The following ELOVL6 variants were observed in gnomAD, a reference collection of about 807,000 sequenced individuals.
ELOVL6 encodes the protein ELOVL fatty acid elongase 6.
In ELOVL6, 8 loss-of-function variants were observed where a neutral mutation model predicts 31.7. That is an observed-to-expected ratio of 0.25 (90% CI 0.15 to 0.45). The LOEUF (loss-of-function observed/expected upper bound fraction) is 0.45, where lower values mean the gene tolerates loss of function less well. Ranked by LOEUF, ELOVL6 falls within the 20% of genes least tolerant of loss-of-function variation. ELOVL6 has a pLI of 1.00. For synonymous variants in ELOVL6, 101 were observed against 117.7 expected (o/e 0.86, Z 0.92); for missense variants, 126 against 326.4 (o/e 0.39, Z 4.73).
At chr4:110,154,934 T>C (rs1293813272) in intron 1 of ELOVL6, among the ~76,000 whole-genome samples, 1 of 152,222 alleles carries the variant, frequency 6.6e-6, no homozygotes, top group East Asian at 1.9e-4. Context: ...CAACTTTTAC[T>C]TTTTTGACAG....
chr4:110,151,735 A>C (rs566581601), intron 1 of ELOVL6, among the ~76,000 whole-genome samples: 75 of 152,224 alleles, frequency 4.9e-4, no homozygotes, highest in Non-Finnish European at 8.5e-4. Context: ...TGGACTTTTG[A>C]ATGAGAGATC....
At chr4:110,053,694 C>T (rs1754895002) in intron 3 of ELOVL6, among the ~76,000 whole-genome samples, 1 of 152,078 alleles carries the variant, frequency 6.6e-6, no homozygotes, top group Non-Finnish European at 1.5e-5. Context: ...AATTCCAGCA[C>T]TTTGGGAGCC....
chr4:110,177,760 T>C (rs1439520666), intron 1 of ELOVL6, among the ~76,000 whole-genome samples: 1 of 152,190 alleles, frequency 6.6e-6, no homozygotes, highest in Non-Finnish European at 1.5e-5. Context: ...GTTATTGTTA[T>C]GTGAAATAAT....
intron 1 of ELOVL6, among the ~76,000 whole-genome samples, chr4:110,141,642 T>C (rs1266494897): frequency 6.7e-6 from 1 of 149,860 alleles, no homozygotes; most frequent in Non-Finnish European, 1.5e-5. Context: ...ATTAATATTG[T>C]ATTGTATTGT....
rs74930621 is a variant in ELOVL6, at chr4:110,168,946, G to C, written c.89+29301C>G. On this transcript the variant is annotated intron_variant, in intron 1 of 3. Coordinates refer to ENST00000302274, the MANE Select transcript of ELOVL6 (RefSeq NM_024090.3). ...TTAGTTAATAATATCCTTATTAAAC[G>C]TCCAGTAAGTCTTTTTTAAATGTTA... 2.1e-4 allele frequency among the ~76,000 whole-genome samples: 31 copies of C among 150,790 alleles called. No homozygotes were observed. In the East Asian group the frequency reaches 5.6e-3, roughly 27 times the overall value.
Position 110,051,092 on chromosome 4 carries a change from G to C in ELOVL6, c.*246C>G. On this transcript the variant is annotated 3_prime_UTR_variant, in exon 4 of 4. Transcript: ENST00000302274. This position sits in a 1 kb window ranked among gnomAD's most constrained non-coding sequence, Gnocchi z 4.8. ...CCTTGTCCTAGAGTTGATAGATAAA[G>C]AGGGAATGGGGTCTTCCAGCAGCAG... The C allele has an allele frequency of 2.0e-6, 1 of 504,164 alleles. No individual in the cohort carries two copies. 31.2% of individuals were successfully genotyped at this position (504,164 alleles called of 1,614,324 possible).
At chr4:110,077,666 CTA>C (rs1251011450) in intron 2 of ELOVL6, among the ~76,000 whole-genome samples, 1 of 152,138 alleles carries the variant, frequency 6.6e-6, no homozygotes, top group East Asian at 1.9e-4. Context: ...ACTGGAAACT[CTA>C]AAAATCAGAG....
At chr4:110,110,074 C>T (rs942151986) in intron 1 of ELOVL6, among the ~76,000 whole-genome samples, 1 of 152,146 alleles carries the variant, frequency 6.6e-6, no homozygotes. Flanking sequence ...CCAACTGGTG[C>T]ACCCCCCTCC....
chr4:110,106,267 T>C (rs1258576231), intron 1 of ELOVL6, among the ~76,000 whole-genome samples: 4 of 152,108 alleles, frequency 2.6e-5, no homozygotes, highest in Non-Finnish European at 4.4e-5. Flanking sequence ...TGAGGCAGAA[T>C]TGCTTGAAAC....
intron 1 of ELOVL6, chr4:110,117,899 A>T (rs1396329708): frequency 1.9e-4 from 1 of 5,304 alleles, no homozygotes; most frequent in African/African-American, 8.7e-4. Context: ...AAAAAAAAAA[A>T]AAAAATATAT....
intron 2 of ELOVL6, among the ~76,000 whole-genome samples, chr4:110,078,778 T>G (rs9760443): frequency 1.3e-5 from 2 of 151,980 alleles, no homozygotes; most frequent in Admixed American, 1.3e-4. Flanking sequence ...TGCTCCAAAT[T>G]AAAGACACAG....
chr4:110,084,209 A>C (rs1410123806), intron 2 of ELOVL6, among the ~76,000 whole-genome samples: 2 of 69,820 alleles, frequency 2.9e-5, no homozygotes, highest in Non-Finnish European at 4.9e-5. Context: ...TGATATATAT[A>C]ACATATAACT....
intron 1 of ELOVL6, among the ~76,000 whole-genome samples, chr4:110,110,888 C>CTAAG (rs941069853): frequency 1.7e-4 from 26 of 152,120 alleles, no homozygotes; most frequent in Non-Finnish European, 3.7e-4. Flanking sequence ...AGGATACCAA[C>CTAAG]TAAGGTGTGA....
At chr4:110,056,830 G>T (rs577732963) in intron 3 of ELOVL6, among the ~76,000 whole-genome samples, 4 of 152,262 alleles carry the variant, frequency 2.6e-5, no homozygotes, top group Admixed American at 1.3e-4. Context: ...CTCCTTTGGG[G>T]CTCAAGAGGG....
intron 2 of ELOVL6, among the ~76,000 whole-genome samples, chr4:110,081,747 T>A (rs1333000424): frequency 1.3e-5 from 2 of 150,106 alleles, no homozygotes; most frequent in African/African-American, 4.9e-5. Context: ...ACAAATGGGA[T>A]CTAATTAAAC....
At chr4:110,124,930 A>G (rs1163384549) in intron 1 of ELOVL6, among the ~76,000 whole-genome samples, 1 of 152,208 alleles carries the variant, frequency 6.6e-6, no homozygotes, top group Non-Finnish European at 1.5e-5. Flanking sequence ...GACAAAAAAT[A>G]GGCTTTCAAT....
chr4:110,183,231 C>G (rs1297420399), intron 1 of ELOVL6, among the ~76,000 whole-genome samples: 1 of 152,172 alleles, frequency 6.6e-6, no homozygotes, highest in Non-Finnish European at 1.5e-5. Context: ...AACCCCTTAT[C>G]TTAACCCAGA....
intron 1 of ELOVL6, among the ~76,000 whole-genome samples, chr4:110,116,841 G>T (rs1757182048): frequency 6.6e-6 from 1 of 152,088 alleles, no homozygotes; most frequent in Admixed American, 6.5e-5. Context: ...CACCCAGATG[G>T]CCTGCTAGCA....
intron 1 of ELOVL6, among the ~76,000 whole-genome samples, chr4:110,134,568 A>T (rs1031078216): frequency 6.6e-6 from 1 of 152,190 alleles, no homozygotes; most frequent in Non-Finnish European, 1.5e-5. Context: ...AGATCGGGAA[A>T]TAAAACATTA....
Sources: gnomAD v4.1 joint callset for allele counts (sites outside exome capture counted in the v4.1 genomes callset) on GRCh38, gnomAD v4.1.1 for gene constraint, Gnocchi (gnomAD v3.1) non-coding constraint, MANE v1.5 for transcripts, NCBI Gene and HGNC (gene_info 2026-07-23, HGNC 2026-07-21) for gene names.